Variants in MIPEP observed in about 807,000 individuals in gnomAD.
MIPEP encodes the protein mitochondrial intermediate peptidase.
MIPEP carries 79 observed loss-of-function variants against 90.3 expected under a neutral mutation model. The observed-to-expected ratio is 0.87, with a 90% CI of 0.73 to 1.05. The LOEUF is 1.05. Ranked by LOEUF, MIPEP falls within the 50% of genes least tolerant of loss-of-function variation. The probability of loss-of-function intolerance (pLI) is 0.00; values close to 1 mark genes in which losing one functional copy is unlikely to be tolerated. For missense variants in MIPEP, 940 were observed against 905.6 expected (o/e 1.04, Z -0.49); for synonymous variants, 334 against 315.8 (o/e 1.06, Z -0.61).
chr13:23,868,124 G>A (rs879796580), intron 7 of MIPEP, among the ~76,000 whole-genome samples: 9 of 151,462 alleles, frequency 5.9e-5, no homozygotes, highest in Non-Finnish European at 1.3e-4. Context: ...GAAAAAAAAT[G>A]TAAGTGTTTT....
intron 2 of MIPEP, among the ~76,000 whole-genome samples, chr13:23,883,466 C>T (rs35095921): frequency 1.5e-4 from 23 of 152,228 alleles, no homozygotes; most frequent in South Asian, 6.2e-4. Flanking sequence ...CACAGATACC[C>T]GAATCCACAG....
intron 16 of MIPEP, among the ~76,000 whole-genome samples, chr13:23,788,432 A>G (rs7983112): frequency 0.56 from 85,727 of 152,130 alleles, 26,308 homozygotes; most frequent in Non-Finnish European, 0.69. Context: ...CATGTTCTCA[A>G]GACCTCCACC....
At chr13:23,783,955 T>C (rs1268650077) in intron 16 of MIPEP, among the ~76,000 whole-genome samples, 1 of 152,036 alleles carries the variant, frequency 6.6e-6, no homozygotes, top group East Asian at 1.9e-4. Flanking sequence ...TAAAAGAGGA[T>C]ATAAACAAAT....
At chr13:23,882,250 A>G (rs970240750) in intron 2 of MIPEP, among the ~76,000 whole-genome samples, 3 of 152,102 alleles carry the variant, frequency 2.0e-5, no homozygotes, top group African/African-American at 7.2e-5. Context: ...TTATTTCAAA[A>G]GAGCAGACAC....
At chr13:23,863,628 T>C (rs2137505148) in intron 8 of MIPEP, among the ~76,000 whole-genome samples, 1 of 152,244 alleles carries the variant, frequency 6.6e-6, no homozygotes, top group Non-Finnish European at 1.5e-5. Context: ...CCAAAACATG[T>C]GTGGTCCCAA....
chr13:23,764,737 A>AT (rs1258628404), intron 16 of MIPEP, among the ~76,000 whole-genome samples: 4 of 152,024 alleles, frequency 2.6e-5, no homozygotes, highest in African/African-American at 7.2e-5. Flanking sequence ...TTTAAAAAAA[A>AT]TTTTTGTAGA....
At chr13:23,826,210 C>T (rs1187802360) in intron 14 of MIPEP, among the ~76,000 whole-genome samples, 2 of 151,958 alleles carry the variant, frequency 1.3e-5, no homozygotes, top group African/African-American at 2.4e-5. Context: ...ATGGATAGAA[C>T]TAAGGGGAAA....
At position 23,812,737 on chromosome 13, in the gene MIPEP, G is replaced by C. The variant is rs149176564; in HGVS notation, c.1654-2813C>G. On this transcript the variant is annotated intron_variant, in intron 14 of 18. Coordinates refer to ENST00000382172, the MANE Select transcript of MIPEP (RefSeq NM_005932.4). ...TACCACTGGAGAAAACTGGGTGAAGGGGACATAGGACCTCTCTGCATTTTT... is the reference window on the plus strand; with the variant it reads ...TACCACTGGAGAAAACTGGGTGAAGCGGACATAGGACCTCTCTGCATTTTT... Among the ~76,000 whole-genome samples the C allele has an allele frequency of 3.9e-5, 6 of 152,248 alleles. No individual in the cohort carries two copies. In the East Asian group the frequency reaches 1.2e-3, roughly 29 times the overall value.
chr13:23,784,375 C>A (rs570941915), intron 16 of MIPEP, among the ~76,000 whole-genome samples: 1 of 152,262 alleles, frequency 6.6e-6, no homozygotes, highest in South Asian at 2.1e-4. Flanking sequence ...CTGACAAAAA[C>A]AAGAAATGGG....
At chr13:23,773,514 T>C (rs1292787396) in intron 16 of MIPEP, among the ~76,000 whole-genome samples, 1 of 152,194 alleles carries the variant, frequency 6.6e-6, no homozygotes, top group Non-Finnish European at 1.5e-5. Flanking sequence ...CTGGTAACTC[T>C]GTTTAACTTT....
At position 23,889,368 on chromosome 13, in the gene MIPEP, T is replaced by C. The variant is rs571963203; in HGVS notation, c.-48A>G. On this transcript the variant is annotated 5_prime_UTR_variant, in exon 1 of 19. Transcript: ENST00000382172. Reference sequence around the variant, plus strand: ...CCTCCAACGCAGATCCCTGCCCTGCTGCTTTCGCTGGGAGCGCGCGCTCCG... The same window carrying C: ...CCTCCAACGCAGATCCCTGCCCTGCCGCTTTCGCTGGGAGCGCGCGCTCCG... The C allele has an allele frequency of 8.2e-5, 102 of 1,243,338 alleles. No homozygotes were observed. Among genetic ancestry groups the C allele is most frequent in the Non-Finnish European group, 1.0e-4 (99 of 991,512 alleles). 77.0% of individuals were successfully genotyped at this position (1,243,338 alleles called of 1,614,324 possible).
intron 5 of MIPEP, among the ~76,000 whole-genome samples, chr13:23,874,615 C>T (rs1870978659): frequency 6.6e-6 from 1 of 152,192 alleles, no homozygotes; most frequent in East Asian, 1.9e-4. Flanking sequence ...TAAAACACTC[C>T]ACTTGGCTCA....
At chr13:23,874,727 G>A (rs1376778043) in intron 5 of MIPEP, 119 bp downstream of exon 5, 2 of 764,748 alleles carry the variant, frequency 2.6e-6, no homozygotes, top group Non-Finnish European at 4.1e-6. Flanking sequence ...ACAGATAAAA[G>A]ACCTGCACGT....
chr13:23,804,744 G>A (rs1953086743), intron 16 of MIPEP, among the ~76,000 whole-genome samples: 1 of 152,208 alleles, frequency 6.6e-6, no homozygotes, highest in Non-Finnish European at 1.5e-5. Context: ...ATTAGGACCT[G>A]AAGATTTAGT....
rs551175770 is a variant in MIPEP, at chr13:23,749,427, G to A, written c.2044+7118C>T. 9.2e-5 allele frequency among the ~76,000 whole-genome samples: 14 copies of A among 152,286 alleles called. 1 individual carries two copies. The highest frequency in any genetic ancestry group is 9.1e-4 in the Admixed American group (14 of 15,306). On this transcript the variant is annotated intron_variant, in intron 18 of 18. Coordinates refer to ENST00000382172, the MANE Select transcript of MIPEP (RefSeq NM_005932.4). ...GTCACAAGACATCAAACTTTCAAGT[G>A]GACTAAATATTTTGGGTCAATTTGA...
chr13:23,819,637 G>C (rs182956584), intron 14 of MIPEP, among the ~76,000 whole-genome samples: 2 of 152,114 alleles, frequency 1.3e-5, no homozygotes, highest in East Asian at 3.9e-4. Flanking sequence ...GTTTTAGATA[G>C]AGAACTATAA....
chr13:23,843,976 G>A (rs1474270209), intron 10 of MIPEP, among the ~76,000 whole-genome samples: 1 of 152,170 alleles, frequency 6.6e-6, no homozygotes, highest in Admixed American at 6.5e-5. Context: ...GTTTGTGGGA[G>A]AAGAGAGGAG....
intron 16 of MIPEP, among the ~76,000 whole-genome samples, chr13:23,762,573 TAAG>T: frequency 6.6e-6 from 1 of 152,144 alleles, no homozygotes; most frequent in Non-Finnish European, 1.5e-5. Context: ...CCTCTTTCTG[TAAG>T]AAGATATGAT....
intron 14 of MIPEP, among the ~76,000 whole-genome samples, chr13:23,816,031 T>C (rs1197578379): frequency 6.6e-6 from 1 of 152,226 alleles, no homozygotes; most frequent in Non-Finnish European, 1.5e-5. Context: ...ACTGTAATTA[T>C]TACTTCTGTT....
Sources: gnomAD v4.1 joint callset for allele counts (sites outside exome capture counted in the v4.1 genomes callset) on GRCh38, gnomAD v4.1.1 for gene constraint, MANE v1.5 for transcripts, NCBI Gene and HGNC (gene_info 2026-07-23, HGNC 2026-07-21) for gene names.